Variants in RPH3A observed in about 807,000 individuals in gnomAD.
RPH3A encodes rabphilin-3A.
In RPH3A, 48 loss-of-function variants were observed where a neutral mutation model predicts 102.2. That is an observed-to-expected ratio of 0.47 (90% CI 0.37 to 0.60). RPH3A has a LOEUF of 0.60. Among genes scored for constraint, RPH3A ranks in the 20% least tolerant of loss-of-function variants. RPH3A has a pLI of 0.00. For synonymous variants in RPH3A, 310 were observed against 324.3 expected, an observed-to-expected ratio of 0.96 and a Z score of 0.47; for missense variants, 781 against 910.1, an observed-to-expected ratio of 0.86 and a Z score of 1.83.
At chr12:112,865,373 C>A (rs1413380908) in intron 5 of RPH3A, 41 bp from the exon 6 acceptor site, 1 of 1,606,466 alleles carries the variant, frequency 6.2e-7, no homozygotes, top group Non-Finnish European at 8.5e-7. Flanking sequence ...TGGTGGTCCC[C>A]AGTCCTACAA....
intron 1 of RPH3A, among the ~76,000 whole-genome samples, chr12:112,669,781 A>T (rs1163534599): frequency 1.3e-5 from 2 of 152,112 alleles, no homozygotes; most frequent in Non-Finnish European, 1.5e-5. Flanking sequence ...TTCTTGTAGC[A>T]CTTAAGGGTC....
chr12:112,825,229 A>G (rs2041846786), intron 2 of RPH3A, among the ~76,000 whole-genome samples: 1 of 152,212 alleles, frequency 6.6e-6, no homozygotes, highest in African/African-American at 2.4e-5. Context: ...AAACAATGAA[A>G]TGCCCATATT....
chr12:112,868,637 C>G, intron 8 of RPH3A, 42 bp downstream of exon 8: 1 of 1,588,780 alleles, frequency 6.3e-7, no homozygotes, highest in Non-Finnish European at 8.6e-7. Context: ...AAGGACAGAT[C>G]TTAGCCAACT....
At chr12:112,597,265 A>G (rs1020176236) in intron 1 of RPH3A, among the ~76,000 whole-genome samples, 3 of 152,154 alleles carry the variant, frequency 2.0e-5, no homozygotes, top group African/African-American at 7.2e-5. Flanking sequence ...GAATGTTTCA[A>G]TGTATTATTT....
At chr12:112,599,160 A>AGT (rs1193249661) in intron 1 of RPH3A, among the ~76,000 whole-genome samples, 1 of 152,148 alleles carries the variant, frequency 6.6e-6, no homozygotes, top group Non-Finnish European at 1.5e-5. Flanking sequence ...AATGAGTTGT[A>AGT]GTGTGTGTGT....
At chr12:112,883,202 C>A in intron 15 of RPH3A, 91 bp from the exon 16 acceptor site, 1 of 934,590 alleles carries the variant, frequency 1.1e-6, no homozygotes, top group Non-Finnish European at 1.7e-6. Context: ...GGGAAAGCCA[C>A]CCACCCACCC....
intron 10 of RPH3A, among the ~76,000 whole-genome samples, chr12:112,874,587 T>C (rs372527054): frequency 6.6e-6 from 1 of 152,052 alleles, no homozygotes; most frequent in Admixed American, 6.5e-5. Context: ...ACACAGGCCA[T>C]ATGGGAAACA....
chr12:112,630,451 A>T (rs184037775), intron 1 of RPH3A, among the ~76,000 whole-genome samples: 2 of 152,196 alleles, frequency 1.3e-5, no homozygotes, highest in East Asian at 3.9e-4. Flanking sequence ...GCCGTGGGGG[A>T]ACTCTAGAGC....
intron 2 of RPH3A, among the ~76,000 whole-genome samples, chr12:112,825,361 A>AT: frequency 6.6e-6 from 1 of 152,302 alleles, no homozygotes; most frequent in African/African-American, 2.4e-5. Context: ...AGATTGAATA[A>AT]TTACAAAGGA....
intron 2 of RPH3A, among the ~76,000 whole-genome samples, chr12:112,824,489 C>A (rs1029904540): frequency 6.6e-6 from 1 of 152,130 alleles, no homozygotes; most frequent in Non-Finnish European, 1.5e-5. Context: ...GTGCCTCCCC[C>A]CAACTGCATC....
At chr12:112,850,490 G>A (rs2042305011) in intron 5 of RPH3A, among the ~76,000 whole-genome samples, 1 of 152,104 alleles carries the variant, frequency 6.6e-6, no homozygotes, top group African/African-American at 2.4e-5. Flanking sequence ...CAAGTCTTTG[G>A]TGACAGAATG....
chr12:112,601,264 T>C (rs572176111), intron 1 of RPH3A, among the ~76,000 whole-genome samples: 2 of 152,354 alleles, frequency 1.3e-5, no homozygotes, highest in African/African-American at 4.8e-5. Context: ...TATCTTCATG[T>C]TCTTTAACCC....
At chr12:112,667,085 T>A (rs1247619833) in intron 1 of RPH3A, among the ~76,000 whole-genome samples, 1 of 152,148 alleles carries the variant, frequency 6.6e-6, no homozygotes, top group Non-Finnish European at 1.5e-5. Context: ...ACAAAGGCTT[T>A]TTCCAAGTTC....
At chr12:112,759,209 C>T (rs950410956) in intron 1 of RPH3A, among the ~76,000 whole-genome samples, 5 of 150,894 alleles carry the variant, frequency 3.3e-5, no homozygotes, top group Admixed American at 6.6e-5. Flanking sequence ...ATCCTCCATT[C>T]GTGTGTGTTT....
At chr12:112,772,648 G>A (rs2040934702) in intron 1 of RPH3A, among the ~76,000 whole-genome samples, 1 of 152,042 alleles carries the variant, frequency 6.6e-6, no homozygotes, top group Admixed American at 6.5e-5. Flanking sequence ...ATAATTATTA[G>A]TGATTATTAT....
intron 1 of RPH3A, among the ~76,000 whole-genome samples, chr12:112,595,187 G>A (rs900382326): frequency 6.6e-6 from 1 of 152,128 alleles, no homozygotes; most frequent in African/African-American, 2.4e-5. Context: ...GTTTTTACAT[G>A]GCTATGAGTT....
intron 1 of RPH3A, among the ~76,000 whole-genome samples, chr12:112,636,017 A>G (rs894499027): frequency 2.6e-5 from 4 of 152,208 alleles, no homozygotes; most frequent in African/African-American, 9.7e-5. Flanking sequence ...TTTAATAAAA[A>G]AAAATCAGTG....
chr12:112,858,266 C>CAAAA (rs1164602599), intron 5 of RPH3A, among the ~76,000 whole-genome samples: 1,668 of 44,402 alleles, frequency 0.038, 1 homozygote, highest in Non-Finnish European at 0.042. Flanking sequence ...GACCCTGTCT[C>CAAAA]AAAAAAAAAA....
At position 112,895,570 on chromosome 12, in the gene RPH3A, A is replaced by T. The variant is rs757006621; in HGVS notation, c.1858-207A>T. Reference sequence around the variant, plus strand: ...AAGCAGAGAATTCACTGAAAAGAGGATGACAGTGCTTTGTTACACAGAGTG... The same window carrying T: ...AAGCAGAGAATTCACTGAAAAGAGGTTGACAGTGCTTTGTTACACAGAGTG... On this transcript the variant is annotated intron_variant, in intron 20 of 21. Coordinates refer to ENST00000389385, the MANE Select transcript of RPH3A (RefSeq NM_001143854.2). 9 of 486,422 alleles carry T rather than the reference A, an allele frequency of 1.9e-5. No homozygotes were observed. The South Asian group carries it at 3.1e-4, about 17-fold the overall frequency. The allele number at this position is 486,422 out of a possible 1,614,324, so 30.1% of individuals were successfully genotyped here.
Sources: allele counts gnomAD v4.1 joint callset (sites outside exome capture counted in the v4.1 genomes callset), GRCh38; gene constraint gnomAD v4.1.1; transcripts MANE v1.5; gene names NCBI Gene and HGNC (gene_info 2026-07-23, HGNC 2026-07-21).